ATAD2: variants seen among roughly 807,000 people sequenced by gnomAD.
ATAD2 encodes ATPase family AAA domain containing 2.
A neutral mutation model predicts 168.9 loss-of-function variants in ATAD2; 62 were observed. That is an observed-to-expected ratio of 0.37 (90% CI 0.30 to 0.45). The LOEUF is 0.45. Among genes scored for constraint, ATAD2 ranks in the 20% least tolerant of loss-of-function variants. The pLI is 1.00. For missense variants in ATAD2, 1,419 were observed against 1,667.8 expected, an observed-to-expected ratio of 0.85 and a Z score of 2.60; for synonymous variants, 613 against 571.6, an observed-to-expected ratio of 1.07 and a Z score of -1.03.
intron 1 of ATAD2, among the ~76,000 whole-genome samples, chr8:123,383,911 G>A (rs998376775): frequency 2.0e-5 from 3 of 151,126 alleles, no homozygotes; most frequent in Admixed American, 6.6e-5. Flanking sequence ...GTGAAATCAC[G>A]TCTTTACTAA....
intron 1 of ATAD2, among the ~76,000 whole-genome samples, chr8:123,384,022 AGT>A (rs1829573795): frequency 6.6e-6 from 1 of 151,494 alleles, no homozygotes; most frequent in South Asian, 2.1e-4. Context: ...CAGAGGTTGC[AGT>A]GAGCTGAGAT....
Position 123,337,776 on chromosome 8 carries a change from G to C in ATAD2, c.2900C>G (p.Pro967Arg). 1 of 1,612,366 alleles carries C rather than the reference G, an allele frequency of 6.2e-7. No homozygotes were observed. The highest frequency in any genetic ancestry group is 8.5e-7 in the Non-Finnish European group (1 of 1,179,254). ...CACTTCTTCTGCTGTCAGTGATCTT[G>C]GCTCAGGTGGTGGTGCTACTGGGAG... ...EVLPVAPPPE[P>R]RSLTAEEVKR... The change falls in exon 21 of 28, where the codon CCA (proline) becomes CGA (arginine). Residue 967 changes from proline (P) to arginine (R), a missense_variant. Transcript: ENST00000287394.
intron 13 of ATAD2, chr8:123,352,116 G>A (rs1828485688): frequency 6.6e-6 from 1 of 152,384 alleles, no homozygotes; most frequent in Admixed American, 6.5e-5. Context: ...GTGGTGATGG[G>A]GAGGAGGCTC....
At chr8:123,365,094 A>G (rs1238616910) in intron 8 of ATAD2, among the ~76,000 whole-genome samples, 1 of 152,224 alleles carries the variant, frequency 6.6e-6, no homozygotes, top group Non-Finnish European at 1.5e-5. Flanking sequence ...ATACAAAATC[A>G]ATGTACACAA....
Position 123,396,405 on chromosome 8 carries a change from C to T in ATAD2, c.-48G>A, listed in dbSNP as rs114419137. 8.8e-3 allele frequency: 12,970 copies of T among 1,481,610 alleles called. 1,002 individuals are homozygous for T. The African/African-American group carries it at 0.16, about 19-fold the overall frequency. 91.8% of individuals were successfully genotyped at this position (1,481,610 alleles called of 1,614,324 possible). On this transcript the variant is annotated 5_prime_UTR_variant, in exon 1 of 28. Transcript: ENST00000287394. ...CGTGCGCGACCGGAGAGAGATCCAG[C>T]TCCAGGCGCTCGCAGCTCTGGCTCT...
chr8:123,392,681 C>T (rs764137496), intron 1 of ATAD2, among the ~76,000 whole-genome samples: 53 of 151,046 alleles, frequency 3.5e-4, no homozygotes, highest in Non-Finnish European at 1.5e-4. Flanking sequence ...GTATTTCCAG[C>T]AGAGGTATAC....
intron 1 of ATAD2, among the ~76,000 whole-genome samples, chr8:123,415,995 CT>C (rs988513905): frequency 7.3e-5 from 11 of 150,282 alleles, no homozygotes; most frequent in Middle Eastern, 3.5e-3. Context: ...ACTCTTTAAA[CT>C]TTTTTTTTTC....
chr8:123,390,697 C>T (rs185629380), intron 1 of ATAD2, among the ~76,000 whole-genome samples: 200 of 152,282 alleles, frequency 1.3e-3, no homozygotes, highest in African/African-American at 4.6e-3. Flanking sequence ...GCAGAATGTT[C>T]TATTTTACCT....
chr8:123,357,354 T>A (rs1828681503), intron 12 of ATAD2, among the ~76,000 whole-genome samples: 1 of 152,164 alleles, frequency 6.6e-6, no homozygotes, highest in African/African-American at 2.4e-5. Flanking sequence ...ACAACTAAGA[T>A]CCAATTATTT....
At chr8:123,352,859 T>G (rs1488957878) in intron 13 of ATAD2, among the ~76,000 whole-genome samples, 1 of 148,544 alleles carries the variant, frequency 6.7e-6, no homozygotes, top group Non-Finnish European at 1.5e-5. Flanking sequence ...AGCTCAGGAG[T>G]TCAAGACCAA....
At chr8:123,401,587 G>A in intron 1 of ATAD2, 1 of 1,355,916 alleles carries the variant, frequency 7.4e-7, no homozygotes, top group Non-Finnish European at 1.0e-6. Context: ...GTGATGGCAT[G>A]TGGTTGCCCC....
chr8:123,335,143 A>G (rs77645713), intron 22 of ATAD2, among the ~76,000 whole-genome samples: 3,544 of 152,290 alleles, frequency 0.023, 143 homozygotes, highest in African/African-American at 0.081. Context: ...GATGTCCACT[A>G]ACATTTGACA....
At position 123,320,291 on chromosome 8, in the gene ATAD2, TAAG is replaced by T. The variant is rs1827431375; in HGVS notation, c.*840_*842del. On this transcript the variant is annotated 3_prime_UTR_variant, in exon 28 of 28. Transcript: ENST00000287394. The stretch of plus-strand genomic sequence containing the variant: ...GCATGGAAGTGCATGCTTTTAACCT[TAAG>T]AAATGTATTTTTGGTACCATTAATA... 1 of 151,806 alleles carries T rather than the reference TAAG, an allele frequency of 6.6e-6. No individual in the cohort carries two copies. Among genetic ancestry groups the T allele is most frequent in the Non-Finnish European group, 1.5e-5 (1 of 67,918 alleles). 9.4% of individuals were successfully genotyped at this position (151,806 alleles called of 1,614,324 possible). A position where few individuals can be genotyped will look rare whatever the true frequency, so the allele number is the denominator to read the frequency against.
At chr8:123,376,630 T>C (rs1829325059) in intron 2 of ATAD2, among the ~76,000 whole-genome samples, 1 of 152,092 alleles carries the variant, frequency 6.6e-6, no homozygotes, top group Admixed American at 6.6e-5. Context: ...GTATGGTGTA[T>C]AAATTATATC....
intron 1 of ATAD2, among the ~76,000 whole-genome samples, chr8:123,411,445 G>A (rs958606395): frequency 2.6e-5 from 4 of 152,170 alleles, no homozygotes; most frequent in African/African-American, 9.7e-5. Context: ...GGCGGACTGA[G>A]AGACAGGACT....
intron 1 of ATAD2, among the ~76,000 whole-genome samples, chr8:123,405,562 C>T (rs547658932): frequency 6.6e-6 from 1 of 152,330 alleles, no homozygotes; most frequent in African/African-American, 2.4e-5. Flanking sequence ...CCACACCTGG[C>T]TAGTTTTCTA....
chr8:123,344,905 G>C lies in ATAD2; in HGVS notation c.2697C>G (p.Pro899=). Residue 899 remains proline, a synonymous_variant, in exon 19 of 28, where the codon CCC becomes CCG. Coordinates refer to ENST00000287394, the MANE Select transcript of ATAD2 (RefSeq NM_014109.4). ...PVLLLATSDK[P]HSALPEEVQE... The stretch of plus-strand genomic sequence containing the variant: ...TTACCTCTTCTGGCAAAGCGGAATG[G>C]GGTTTGTCAGAAGTTGCAAGTAGTA... 3 of 1,614,064 alleles carry C rather than the reference G, an allele frequency of 1.9e-6. No individual in the cohort carries two copies. Among genetic ancestry groups the C allele is most frequent in the Non-Finnish European group, 2.5e-6 (3 of 1,179,982 alleles).
chr8:123,371,140 C>G, intron 5 of ATAD2, 96 bp downstream of exon 5: 1 of 1,135,732 alleles, frequency 8.8e-7, no homozygotes, highest in Middle Eastern at 2.8e-4. Context: ...CAAATAAATG[C>G]TGGAAAAAGT....
rs1827423402 is a variant in ATAD2, at chr8:123,319,930, A to G, written c.*1204T>C. The G allele has an allele frequency of 6.6e-6, 1 of 152,248 alleles. No individual in the cohort carries two copies. The highest frequency in any genetic ancestry group is 1.5e-5 in the Non-Finnish European group (1 of 68,032). 9.4% of individuals were successfully genotyped at this position (152,248 alleles called of 1,614,324 possible). On this transcript the variant is annotated 3_prime_UTR_variant, in exon 28 of 28. Transcript: ENST00000287394. The stretch of plus-strand genomic sequence containing the variant: ...AATCCTAGTTATAAAAGATGCATCT[A>G]GAAGAATAATTTATAATAAACCAAC...
Sources: allele counts gnomAD v4.1 joint callset (sites outside exome capture counted in the v4.1 genomes callset), GRCh38; gene constraint gnomAD v4.1.1; transcripts MANE v1.5; gene names NCBI Gene and HGNC (gene_info 2026-07-23, HGNC 2026-07-21).